The following KIAA0825 variants were observed in gnomAD, a reference collection of about 807,000 sequenced individuals.
KIAA0825 encodes KIAA0825.
KIAA0825 carries 119 observed loss-of-function variants against 147.6 expected under a neutral mutation model. The observed-to-expected ratio is 0.81, with a 90% CI of 0.69 to 0.94. KIAA0825 has a LOEUF of 0.94. KIAA0825 is among the 40% of genes least tolerant of loss of function. KIAA0825 has a pLI of 0.00. For synonymous variants in KIAA0825, 470 were observed against 518.1 expected (o/e 0.91, Z 1.26); for missense variants, 1,381 against 1,472.7 (o/e 0.94, Z 1.02).
chr5:94,450,546 T>C (rs979753715), intron 13 of KIAA0825, among the ~76,000 whole-genome samples: 2 of 151,858 alleles, frequency 1.3e-5, no homozygotes, highest in African/African-American at 4.8e-5. Flanking sequence ...TCTTGCTGCA[T>C]CCTCACATGG....
chr5:94,614,092 T>C (rs1463320286), intron 1 of KIAA0825, among the ~76,000 whole-genome samples: 1 of 152,148 alleles, frequency 6.6e-6, no homozygotes, highest in Non-Finnish European at 1.5e-5. Flanking sequence ...AACATATTCA[T>C]AAAATTGAAT....
intron 20 of KIAA0825, among the ~76,000 whole-genome samples, chr5:94,175,169 G>A (rs1016572885): frequency 1.3e-5 from 2 of 152,044 alleles, no homozygotes; most frequent in Non-Finnish European, 2.9e-5. Context: ...ATTAGAAATT[G>A]GCCTGCTGTT....
chr5:94,422,233 T>C (rs1425329841), intron 14 of KIAA0825, among the ~76,000 whole-genome samples: 2 of 152,162 alleles, frequency 1.3e-5, no homozygotes, highest in Non-Finnish European at 2.9e-5. Context: ...AAGTAGGTCA[T>C]AAGACCCTCA....
At chr5:94,492,581 A>G (rs952652732) in intron 5 of KIAA0825, among the ~76,000 whole-genome samples, 4 of 152,134 alleles carry the variant, frequency 2.6e-5, no homozygotes, top group Non-Finnish European at 5.9e-5. Flanking sequence ...CTGCATTCCC[A>G]TTATCCATCA....
rs531469516 is a variant in KIAA0825 at position 94,611,526 on chromosome 5, T to TG, written c.-153+6973dup. On this transcript the variant is annotated intron_variant, in intron 1 of 20. Coordinates refer to ENST00000682413, the MANE Select transcript of KIAA0825 (RefSeq NM_001145678.3). ...AAAATGACAAAAAGGTGGTGGGGGC[T>TG]GGGGGGAAGGATCCTATGAAACTAT... 4.5e-3 allele frequency among the ~76,000 whole-genome samples: 685 copies of TG among 151,866 alleles called. 35 individuals carry two copies. Among genetic ancestry groups the TG allele is most frequent in the Admixed American group, 0.042 (648 of 15,264 alleles).
intron 15 of KIAA0825, among the ~76,000 whole-genome samples, chr5:94,412,687 C>T (rs1394131497): frequency 6.6e-6 from 1 of 152,146 alleles, no homozygotes; most frequent in Non-Finnish European, 1.5e-5. Flanking sequence ...GTGTGAGCCA[C>T]CACGCCCGGC....
intron 20 of KIAA0825, among the ~76,000 whole-genome samples, chr5:94,325,228 A>T (rs1271671651): frequency 6.6e-6 from 1 of 151,956 alleles, no homozygotes; most frequent in Non-Finnish European, 1.5e-5. Flanking sequence ...ACATGGACCT[A>T]TGGTATACTC....
intron 5 of KIAA0825, among the ~76,000 whole-genome samples, chr5:94,492,347 A>G (rs995799128): frequency 2.6e-5 from 4 of 152,180 alleles, no homozygotes; most frequent in African/African-American, 7.2e-5. Context: ...TGTTCTTGGG[A>G]GGTAGTACTT....
chr5:94,340,564 G>A (rs940098716), intron 20 of KIAA0825, among the ~76,000 whole-genome samples: 3 of 152,134 alleles, frequency 2.0e-5, no homozygotes, highest in Non-Finnish European at 4.4e-5. Context: ...ATCATTTTAA[G>A]TTCATGGTGG....
intron 15 of KIAA0825, among the ~76,000 whole-genome samples, chr5:94,405,024 A>G (rs990035464): frequency 1.1e-4 from 17 of 152,150 alleles, no homozygotes; most frequent in African/African-American, 4.1e-4. Flanking sequence ...ACAAAGTTGA[A>G]AAGAACTGTG....
intron 20 of KIAA0825, among the ~76,000 whole-genome samples, chr5:94,244,332 C>T (rs556684814): frequency 6.6e-6 from 1 of 152,126 alleles, no homozygotes; most frequent in African/African-American, 2.4e-5. Flanking sequence ...GGGTTTGAAT[C>T]TTGGTTTTTT....
chr5:94,408,535 G>A (rs1052630209), intron 15 of KIAA0825, among the ~76,000 whole-genome samples: 48 of 151,628 alleles, frequency 3.2e-4, no homozygotes, highest in African/African-American at 1.1e-3. Context: ...GTGTGTGTGT[G>A]TGTGTGTGTG....
intron 20 of KIAA0825, among the ~76,000 whole-genome samples, chr5:94,190,767 T>G (rs1770613533): frequency 6.6e-6 from 1 of 152,058 alleles, no homozygotes; most frequent in South Asian, 2.1e-4. Flanking sequence ...CTGTTTGTGT[T>G]CCAGGAACAT....
chr5:94,321,099 T>C (rs1780141784), intron 20 of KIAA0825, among the ~76,000 whole-genome samples: 1 of 152,024 alleles, frequency 6.6e-6, no homozygotes, highest in South Asian at 2.1e-4. Context: ...GTCACAGTTT[T>C]TCACGCTGTA....
intron 20 of KIAA0825, among the ~76,000 whole-genome samples, chr5:94,199,198 T>A (rs993805356): frequency 6.6e-6 from 1 of 152,206 alleles, no homozygotes; most frequent in Admixed American, 6.5e-5. Context: ...TTTTTGAATG[T>A]CCTGGGATGG....
intron 2 of KIAA0825, among the ~76,000 whole-genome samples, chr5:94,537,674 T>G (rs1357517666): frequency 1.4e-5 from 2 of 145,652 alleles, no homozygotes; most frequent in African/African-American, 2.5e-5. Flanking sequence ...AAAAGAAAGC[T>G]GAACAAAACA....
intron 15 of KIAA0825, chr5:94,416,682 GGAA>G (rs1374313064): frequency 6.5e-6 from 1 of 153,434 alleles, no homozygotes; most frequent in African/African-American, 2.4e-5. Flanking sequence ...TCTAGCTGAA[GGAA>G]GAAGAACAAT....
At chr5:94,163,738 T>C (rs2149926378) in intron 20 of KIAA0825, among the ~76,000 whole-genome samples, 1 of 152,270 alleles carries the variant, frequency 6.6e-6, no homozygotes, top group South Asian at 2.1e-4. Context: ...AAATACATAA[T>C]ACTAACTAAA....
At chr5:94,418,133 AG>A (rs1753706899) in intron 14 of KIAA0825, among the ~76,000 whole-genome samples, 1 of 152,210 alleles carries the variant, frequency 6.6e-6, no homozygotes, top group African/African-American at 2.4e-5. Flanking sequence ...GTTGGGTTAA[AG>A]GTAACAAATT....
Sources: gnomAD v4.1 joint callset for allele counts (sites outside exome capture counted in the v4.1 genomes callset) on GRCh38, gnomAD v4.1.1 for gene constraint, MANE v1.5 for transcripts, NCBI Gene and HGNC (gene_info 2026-07-23, HGNC 2026-07-21) for gene names.